The following COL22A1 variants were observed in gnomAD, a reference collection of about 807,000 sequenced individuals.
The protein encoded by COL22A1 is collagen alpha-1(XXII) chain.
A neutral mutation model predicts 248.9 loss-of-function variants in COL22A1; 221 were observed. The ratio of observed to expected loss-of-function variants is 0.89; its 90% CI spans 0.80 to 0.99. The LOEUF is 0.99. COL22A1 is among the 50% of genes least tolerant of loss of function. COL22A1 has a pLI of 0.00. For missense variants in COL22A1, 2,240 were observed against 2,179.0 expected, an observed-to-expected ratio of 1.03 and a Z score of -0.56; for synonymous variants, 891 against 793.4, an observed-to-expected ratio of 1.12 and a Z score of -2.07.
intron 1 of COL22A1, among the ~76,000 whole-genome samples, chr8:138,905,483 T>C (rs1563910312): frequency 1.3e-5 from 2 of 152,178 alleles, no homozygotes; most frequent in Admixed American, 6.5e-5. Context: ...CTCTGTTTCA[T>C]ACCGGGAAAC....
chr8:138,625,245 C>T lies in COL22A1; in HGVS notation c.3717+945G>A, dbSNP rs564270106. ...GGGGAAGATCGAAGGCATCTACTAA[C>T]GAAAGAAGGGAAGAGGCATCCTGGT... On this transcript the variant is annotated intron_variant, in intron 51 of 64. Transcript: ENST00000303045. Among the ~76,000 whole-genome samples, 62 of 152,030 alleles carry T rather than the reference C, an allele frequency of 4.1e-4. 2 individuals are homozygous for T. The South Asian group carries it at 9.8e-3, about 24-fold the overall frequency.
intron 31 of COL22A1, among the ~76,000 whole-genome samples, chr8:138,700,799 A>G (rs1239529585): frequency 6.6e-6 from 1 of 152,144 alleles, no homozygotes; most frequent in Non-Finnish European, 1.5e-5. Context: ...CCTGGCTAAC[A>G]TGGTGAAACC....
In COL22A1 at chr8:138,588,426, T is replaced by C. The variant is rs1816780464; in HGVS notation, c.*827A>G. 6.6e-6 allele frequency: 1 copy of C among 152,176 alleles called. No individual in the cohort carries two copies. Among genetic ancestry groups the C allele is most frequent in the Non-Finnish European group, 1.5e-5 (1 of 68,028 alleles). 9.4% of individuals were successfully genotyped at this position (152,176 alleles called of 1,614,324 possible). ...AGTGGATGGTCACCACATCCACTTG[T>C]TTTATAATTAATATAATTGAAACCA... On this transcript the variant is annotated 3_prime_UTR_variant, in exon 65 of 65. Transcript: ENST00000303045.
At chr8:138,650,619 G>C (rs923812204) in intron 45 of COL22A1, among the ~76,000 whole-genome samples, 1 of 151,922 alleles carries the variant, frequency 6.6e-6, no homozygotes, top group Non-Finnish European at 1.5e-5. Context: ...CCTTGTGATC[G>C]GAGTTTAATG....
chr8:138,684,821 C>T (rs1826216214), intron 38 of COL22A1, among the ~76,000 whole-genome samples: 1 of 152,206 alleles, frequency 6.6e-6, no homozygotes, highest in African/African-American at 2.4e-5. Context: ...GGCTTTGGCA[C>T]TCACAGCCAC....
At chr8:138,819,083 T>A (rs1695368081) in intron 7 of COL22A1, among the ~76,000 whole-genome samples, 1 of 152,192 alleles carries the variant, frequency 6.6e-6, no homozygotes, top group Non-Finnish European at 1.5e-5. Context: ...CTCAGCTTAA[T>A]TTTTAAAAAT....
rs375560760 is a variant in COL22A1 at position 138,885,514 on chromosome 8, C to T, written c.-72-2270G>A. 8.5e-5 allele frequency among the ~76,000 whole-genome samples: 13 copies of T among 152,286 alleles called. No homozygotes were observed. The East Asian group carries it at 1.4e-3, about 16-fold the overall frequency. ...GGAGGGTTAAGTCTAGAGATACGCC[C>T]CTGCCTCAAATCCCTCCTACCTACT... On this transcript the variant is annotated intron_variant, in intron 1 of 64. Coordinates refer to ENST00000303045, the MANE Select transcript of COL22A1 (RefSeq NM_152888.3).
At chr8:138,813,173 A>C (rs1167232316) in intron 7 of COL22A1, among the ~76,000 whole-genome samples, 154 bp from the exon 8 acceptor site, 1 of 151,720 alleles carries the variant, frequency 6.6e-6, no homozygotes, top group Non-Finnish European at 1.5e-5. Flanking sequence ...CCTGGGCTCC[A>C]CTCTGGATTT....
chr8:138,598,581 G>T, intron 61 of COL22A1, 138 bp downstream of exon 61: 5 of 766,614 alleles, frequency 6.5e-6, no homozygotes. Flanking sequence ...GAGAGGAAAA[G>T]TAGCCTGCCC....
In COL22A1 at chr8:138,655,932, G is replaced by C; in HGVS notation, c.3298C>G (p.Leu1100Val). Residue 1100 changes from leucine to valine, a missense_variant, in exon 45 of 65, where the codon CTA becomes GTA. By Grantham distance (32) the Leu-to-Val change is conservative (BLOSUM62 1). Transcript: ENST00000303045. ...GPPGKPGLSS[L>V]LSPGDINLLA... ...AGATTTATGTCCCCTGGAGACAGTAGTGAAGAGAGGCCCTGTCAAAATAAA... is the reference window on the plus strand; with the variant it reads ...AGATTTATGTCCCCTGGAGACAGTACTGAAGAGAGGCCCTGTCAAAATAAA... 1 of 1,612,048 alleles carries C rather than the reference G, an allele frequency of 6.2e-7. No individual in the cohort carries two copies. Among genetic ancestry groups the C allele is most frequent in the Non-Finnish European group, 8.5e-7 (1 of 1,178,220 alleles).
chr8:138,902,749 C>T (rs1814705657), intron 1 of COL22A1, among the ~76,000 whole-genome samples: 1 of 139,874 alleles, frequency 7.1e-6, no homozygotes, highest in African/African-American at 2.7e-5. Flanking sequence ...TACACACACA[C>T]ACACACACAC....
At chr8:138,877,551 G>A (rs1823817065) in intron 3 of COL22A1, among the ~76,000 whole-genome samples, 199 bp downstream of exon 3, 1 of 152,158 alleles carries the variant, frequency 6.6e-6, no homozygotes, top group Non-Finnish European at 1.5e-5. Flanking sequence ...CAACAGGAAT[G>A]TCCAGGGGGT....
At chr8:138,721,790 A>G (rs1291979199) in intron 26 of COL22A1, among the ~76,000 whole-genome samples, 1 of 152,200 alleles carries the variant, frequency 6.6e-6, no homozygotes, top group African/African-American at 2.4e-5. Context: ...AAATGCTGGG[A>G]TTACAGCTGT....
rs532970869 is a variant in COL22A1, at chr8:138,832,649, C to T, written c.845+390G>A. Among the ~76,000 whole-genome samples the T allele has an allele frequency of 5.8e-3, 886 of 152,300 alleles. 11 individuals are homozygous for T. The highest frequency in any genetic ancestry group is 8.1e-3 in the Non-Finnish European group (553 of 68,014). On this transcript the variant is annotated intron_variant, in intron 5 of 64. Transcript: ENST00000303045. The stretch of plus-strand genomic sequence containing the variant: ...GATACTCAGTCTCAACTGACCAAAG[C>T]CACTCCGAGATTCTGGTGAAGCCAC...
At chr8:138,693,090 C>A (rs1178779346) in intron 35 of COL22A1, among the ~76,000 whole-genome samples, 5 of 152,156 alleles carry the variant, frequency 3.3e-5, no homozygotes, top group Admixed American at 1.3e-4. Flanking sequence ...TGGCTCCGCA[C>A]CATGAGACAG....
intron 56 of COL22A1, 30 bp from the exon 57 acceptor site, chr8:138,608,019 G>T: frequency 6.2e-7 from 1 of 1,610,708 alleles, no homozygotes; most frequent in Non-Finnish European, 8.5e-7. Flanking sequence ...TAATCATCCT[G>T]CCAGGGCATC....
intron 43 of COL22A1, among the ~76,000 whole-genome samples, chr8:138,661,737 TATGTAAG>T (rs752330792): frequency 3.0e-4 from 45 of 149,140 alleles, no homozygotes; most frequent in Non-Finnish European, 4.9e-4. Context: ...CTGACTAGGG[TATGTAAG>T]ACATTGACCA....
intron 7 of COL22A1, among the ~76,000 whole-genome samples, chr8:138,817,550 C>T (rs1818773814): frequency 6.6e-6 from 1 of 152,160 alleles, no homozygotes; most frequent in African/African-American, 2.4e-5. Flanking sequence ...GAACCAACTA[C>T]TTCTACTATA....
rs1471748399 is a variant in COL22A1, at chr8:138,825,201, C to A, written c.969+1457G>T. Among the ~76,000 whole-genome samples, 3 of 152,168 alleles carry A rather than the reference C, an allele frequency of 2.0e-5. No individual in the cohort carries two copies. The East Asian group carries it at 5.8e-4, about 29-fold the overall frequency. On this transcript the variant is annotated intron_variant, in intron 6 of 64. Coordinates refer to ENST00000303045, the MANE Select transcript of COL22A1 (RefSeq NM_152888.3). ...AAAAGTGGCCTCTGGAGAAGAATCC[C>A]AACTCCTCCATTCAGCCTTCCACAC...
Sources: allele counts gnomAD v4.1 joint callset (sites outside exome capture counted in the v4.1 genomes callset), GRCh38; gene constraint gnomAD v4.1.1; transcripts MANE v1.5; gene names NCBI Gene and HGNC (gene_info 2026-07-23, HGNC 2026-07-21).